Variants in CLCN2 observed in about 807,000 individuals in gnomAD.
CLCN2 encodes chloride channel protein 2.
A neutral mutation model predicts 108.3 loss-of-function variants in CLCN2; 72 were observed. The observed-to-expected ratio is 0.66, with a 90% CI of 0.55 to 0.81. The LOEUF (loss-of-function observed/expected upper bound fraction) is 0.81. Among genes scored for constraint, CLCN2 ranks in the 30% least tolerant of loss-of-function variants. The probability of loss-of-function intolerance (pLI) is 0.00; values close to 1 mark genes in which losing one functional copy is unlikely to be tolerated. For missense variants in CLCN2, 1,048 were observed against 1,205.2 expected, an observed-to-expected ratio of 0.87 and a Z score of 1.93; for synonymous variants, 471 against 467.1, an observed-to-expected ratio of 1.01 and a Z score of -0.11.
Position 184,346,935 on chromosome 3 carries a change from C to T in CLCN2, c.2502G>A (p.Glu834=). 2 of 1,613,962 alleles carry T rather than the reference C, an allele frequency of 1.2e-6. No individual in the cohort carries two copies. The highest frequency in any genetic ancestry group is 1.7e-6 in the Non-Finnish European group (2 of 1,179,808). ...GRLIGIVTLK[E]LRKAIEGSVT... is the part of the protein sequence containing the mutation. ...GCTTTGGAGGCCACCATCACCTCAC[C>T]TCCTTTAGAGTAACGATTCCAATGA... The change falls in exon 23 of 24, where the codon GAG becomes GAA. Residue 834 remains glutamate (E), a splice_region_variant and synonymous_variant. Transcript: ENST00000265593. The surrounding 1 kb of genome is among the most constrained non-coding windows in gnomAD (Gnocchi z 6.0).
At chr3:184,354,017 G>T in intron 15 of CLCN2, 84 bp downstream of exon 15, 1 of 1,465,096 alleles carries the variant, frequency 6.8e-7, no homozygotes, top group East Asian at 2.3e-5. Context: ...TAGGCTCCAG[G>T]ACCTTGCTAG....
rs199746127 is a variant in CLCN2 at position 184,346,831 on chromosome 3, C to T, written c.2503-31G>A. 6.8e-6 allele frequency: 11 copies of T among 1,613,534 alleles called. 1 individual carries two copies. Among genetic ancestry groups the T allele is most frequent in the South Asian group, 4.4e-5 (4 of 91,082 alleles). On this transcript the variant is annotated intron_variant, in intron 23 of 23. Transcript: ENST00000265593. The surrounding 1 kb of genome is among the most constrained non-coding windows in gnomAD (Gnocchi z 6.0). ...AAGGTGAGAGGGACAGATGTCTGGA[C>T]CCAGATGTCAGACTCCTCCCCGCCT...
rs528636771 is a variant in CLCN2, at chr3:184,351,835, G to A, written c.2415+178C>T. ...GCCTGGCTCCACCACAGAGCAGGAG[G>A]AGGCTGCTCCCACCTCCCATCATCC... On this transcript the variant is annotated intron_variant, in intron 22 of 23. Transcript: ENST00000265593. Among the ~76,000 whole-genome samples, 11 of 152,276 alleles carry A rather than the reference G, an allele frequency of 7.2e-5. No homozygotes were observed. The East Asian group carries it at 1.4e-3, about 19-fold the overall frequency.
intron 14 of CLCN2, 35 bp downstream of exon 14, chr3:184,354,513 G>T: frequency 6.5e-7 from 1 of 1,547,266 alleles, no homozygotes; most frequent in Non-Finnish European, 8.9e-7. Context: ...TGGGTGGGGG[G>T]GTCTCCCAAG....
In CLCN2 at chr3:184,358,330, T is replaced by C; in HGVS notation, c.353-20A>G. ...GCTGGGCTGTGGGAAGAGGACCTGC[T>C]GGACCCCCAGTGCACACACCCACTG... On this transcript the variant is annotated intron_variant, in intron 3 of 23. Transcript: ENST00000265593. The C allele has an allele frequency of 6.2e-7, 1 of 1,613,132 alleles. No individual in the cohort carries two copies. The highest frequency in any genetic ancestry group is 1.1e-5 in the South Asian group (1 of 91,058).
intron 10 of CLCN2, chr3:184,356,675 C>T (rs1000268648): frequency 2.6e-6 from 1 of 385,036 alleles, no homozygotes; most frequent in East Asian, 5.4e-5. Context: ...CATCTATCCC[C>T]ATGGGTCATG....
chr3:184,359,589 ATC>A (rs1711702110), intron 1 of CLCN2, among the ~76,000 whole-genome samples: 1 of 152,194 alleles, frequency 6.6e-6, no homozygotes, highest in Admixed American at 6.5e-5. Flanking sequence ...CGCAGCCCCA[ATC>A]CTTATCACGT....
At chr3:184,353,898 G>C in intron 15 of CLCN2, 103 bp from the exon 16 acceptor site, 1 of 1,533,780 alleles carries the variant, frequency 6.5e-7, no homozygotes, top group Non-Finnish European at 8.8e-7. Flanking sequence ...CCCATCCATG[G>C]GGACGGGAGC....
intron 9 of CLCN2, 21 bp downstream of exon 9, chr3:184,357,161 C>T (rs964551220): frequency 3.7e-6 from 6 of 1,612,816 alleles, no homozygotes; most frequent in Non-Finnish European, 5.1e-6. Flanking sequence ...TCTGATACCC[C>T]CAGCCCCCTC....
rs1214048963 is a variant in CLCN2, at chr3:184,357,985, T to C, written c.592A>G (p.Ser198Gly). 6.2e-7 allele frequency: 1 copy of C among 1,614,066 alleles called. No homozygotes were observed. The highest frequency in any genetic ancestry group is 1.7e-5 in the Admixed American group (1 of 60,024). The change falls in exon 5 of 24, where the codon AGC (serine) becomes GGC (glycine). Residue 198 changes from serine (S) to glycine (G), a missense_variant. Coordinates refer to ENST00000265593, the MANE Select transcript of CLCN2 (RefSeq NM_004366.6). ...KVIGLTCALG[S>G]GMPLGKEGPF... ...ACCTCTTTGCCAAGCGGCATCCCGC[T>C]GCCTAGGGCGCAGGTCAGCCCAATG...
In CLCN2 at chr3:184,352,476, C is replaced by G. The variant is rs1317486758; in HGVS notation, c.2238G>C (p.Lys746Asn). The change falls in exon 20 of 24, where the codon AAG (lysine) becomes AAC (asparagine). Residue 746 changes from lysine (K) to asparagine (N), a missense_variant. Physicochemically the swap from Lys to Asn is moderately conservative, Grantham distance 94. Transcript: ENST00000265593. Reference sequence around the variant, plus strand: ...AGATTCGGACACGCTTCAGCTTGCGCTTCTCACAGGATTCCAACTTCTTCA... The same window carrying G: ...AGATTCGGACACGCTTCAGCTTGCGGTTCTCACAGGATTCCAACTTCTTCA... ...AASEKLESCE[K>N]RKLKRVRISL... The G allele has an allele frequency of 6.2e-7, 1 of 1,613,352 alleles. No homozygotes were observed. Among genetic ancestry groups the G allele is most frequent in the East Asian group, 2.2e-5 (1 of 44,870 alleles).
At chr3:184,347,259 A>G (rs751295125) in intron 22 of CLCN2, 73 of 574,898 alleles carry the variant, frequency 1.3e-4, no homozygotes, top group Admixed American at 3.4e-4. Flanking sequence ...ACACTGACGG[A>G]GAAATAGGAT....
chr3:184,348,849 A>AC (rs1168425291), intron 22 of CLCN2: 1 of 152,126 alleles, frequency 6.6e-6, no homozygotes, highest in African/African-American at 2.4e-5. Context: ...TTACCAATTC[A>AC]CTTCCTAAAC....
intron 22 of CLCN2, among the ~76,000 whole-genome samples, chr3:184,350,106 C>T (rs951384544): frequency 6.6e-6 from 1 of 152,216 alleles, no homozygotes; most frequent in Non-Finnish European, 1.5e-5. Context: ...GTTGGTTCCT[C>T]AAAGACTTCT....
intron 20 of CLCN2, 25 bp from the exon 21 acceptor site, chr3:184,352,356 C>A (rs1433708847): frequency 1.2e-6 from 2 of 1,613,764 alleles, no homozygotes; most frequent in Admixed American, 1.7e-5. Context: ...GGGAGGCTGG[C>A]AGCTAGGGGC....
rs150244235 is a variant in CLCN2, at chr3:184,346,311, C to T, written c.*295G>A. 435 of 504,352 alleles carry T rather than the reference C, an allele frequency of 8.6e-4. 2 individuals are homozygous for T. Among genetic ancestry groups the T allele is most frequent in the African/African-American group, 7.4e-3 (387 of 52,120 alleles). The allele number at this position is 504,352 out of a possible 1,614,324, so 31.2% of individuals were successfully genotyped here. ...GTCATTGGAGGTTCCAGTTATAAACCCATCTTAGTTCCACCCCTTTCCCCT... is the reference window on the plus strand; with the variant it reads ...GTCATTGGAGGTTCCAGTTATAAACTCATCTTAGTTCCACCCCTTTCCCCT... On this transcript the variant is annotated 3_prime_UTR_variant, in exon 24 of 24. Transcript: ENST00000265593. The surrounding 1 kb of genome is among the most constrained non-coding windows in gnomAD (Gnocchi z 6.0).
At chr3:184,352,412 G>A (rs529385901) in intron 20 of CLCN2, 31 bp downstream of exon 20, 40 of 1,612,522 alleles carry the variant, frequency 2.5e-5, no homozygotes, top group South Asian at 8.8e-5. Flanking sequence ...GCCCGGTGCC[G>A]CCGAGATGCT....
chr3:184,356,764 C>A, intron 10 of CLCN2: 1 of 557,414 alleles, frequency 1.8e-6, no homozygotes, highest in Non-Finnish European at 3.2e-6. Context: ...AGGCCTTAGT[C>A]TTTGATTCCC....
At chr3:184,356,099 A>G (rs1728526873) in intron 10 of CLCN2, 1 of 397,274 alleles carries the variant, frequency 2.5e-6, no homozygotes, top group Non-Finnish European at 4.8e-6. Flanking sequence ...TCAGAAGCCC[A>G]TCAGGGCATA....
Sources: gnomAD v4.1 joint callset for allele counts (sites outside exome capture counted in the v4.1 genomes callset) on GRCh38, gnomAD v4.1.1 for gene constraint, Gnocchi (gnomAD v3.1) non-coding constraint, MANE v1.5 for transcripts, NCBI Gene and HGNC (gene_info 2026-07-23, HGNC 2026-07-21) for gene names.